The following HSP90AA1 variants were observed in gnomAD, a reference collection of about 807,000 sequenced individuals.
The protein encoded by HSP90AA1 is heat shock protein HSP 90-alpha.
In HSP90AA1, 18 loss-of-function variants were observed where a neutral mutation model predicts 73.3. The ratio of observed to expected loss-of-function variants is 0.25; its 90% CI spans 0.17 to 0.36. The LOEUF (loss-of-function observed/expected upper bound fraction) is 0.36. Ranked by LOEUF, HSP90AA1 falls within the 10% of genes least tolerant of loss-of-function variation. The probability of loss-of-function intolerance (pLI) is 1.00; values close to 1 mark genes in which losing one functional copy is unlikely to be tolerated. For synonymous variants in HSP90AA1, 477 were observed against 296.9 expected (o/e 1.61, Z -6.24); for missense variants, 704 against 874.2 (o/e 0.81, Z 2.45).
At chr14:102,090,944 C>G (rs1197987001), upstream of HSP90AA1, among the ~76,000 whole-genome samples, 1 of 152,222 alleles carries the variant, frequency 6.6e-6, no homozygotes, top group Non-Finnish European at 1.5e-5. Context: ...CAGATCTTAG[C>G]TCAGCCACTG....
rs1172433048 is a variant in HSP90AA1 at position 102,083,233 on chromosome 14, A to C, written c.1556T>G (p.Ile519Ser). Reference protein sequence around the residue: ...ERLRKHGLEVIYMIEPIDEYC... With the variant: ...ERLRKHGLEVSYMIEPIDEYC... ...CTCATCAATGGGCTCAATCATATAGATCACTTCTAAGCCATGTTTCCGAAG... is the reference window on the plus strand; with the variant it reads ...CTCATCAATGGGCTCAATCATATAGCTCACTTCTAAGCCATGTTTCCGAAG... Residue 519 changes from isoleucine (I) to serine (S), a missense_variant, in exon 9 of 11, where the codon ATC becomes AGC. Coordinates refer to ENST00000216281, the MANE Select transcript of HSP90AA1 (RefSeq NM_005348.4). The C allele has an allele frequency of 1.9e-6, 3 of 1,614,024 alleles. No homozygotes were observed. The highest frequency in any genetic ancestry group is 2.5e-6 in the Non-Finnish European group (3 of 1,180,008).
At chr14:102,082,471 A>T (rs1231156136) in intron 9 of HSP90AA1, 27 bp from the exon 10 acceptor site, 2 of 1,555,950 alleles carry the variant, frequency 1.3e-6, no homozygotes, top group Non-Finnish European at 1.8e-6. Context: ...ATGACTAGGA[A>T]CCTAGAAAGA....
At chr14:102,124,418 C>G (rs536938515) in intron 1 of HSP90AA1, among the ~76,000 whole-genome samples, 1 of 152,126 alleles carries the variant, frequency 6.6e-6, no homozygotes, top group Non-Finnish European at 1.5e-5. Context: ...GTCTTGAACT[C>G]CTAACCTCAG....
intron 2 of HSP90AA1, among the ~76,000 whole-genome samples, chr14:102,095,306 T>C (rs1400352848): frequency 6.6e-6 from 1 of 152,026 alleles, no homozygotes. Flanking sequence ...TGTGAGAGGG[T>C]CCAGTCCTGG....
rs55683551 is a variant in HSP90AA1, at chr14:102,098,459, C to CT, written c.366+3415dup. 5.6e-3 allele frequency among the ~76,000 whole-genome samples: 419 copies of CT among 75,440 alleles called. 6 individuals are homozygous for CT. Among genetic ancestry groups the CT allele is most frequent in the Admixed American group, 9.9e-3 (53 of 5,350 alleles). 49.5% of individuals were successfully genotyped at this position (75,440 alleles called of 152,430 possible). The stretch of plus-strand genomic sequence containing the variant: ...ACAGGCTTAAGCCACTGCACCTGGC[C>CT]TTTTTTTTTTTTTTTTTTTTTTTGT... On this transcript the variant is annotated intron_variant, in intron 2 of 11. Transcript: ENST00000334701.
exon 2 of HSP90AA1, chr14:102,101,960 G>A (rs1044304463): frequency 2.5e-6 from 4 of 1,614,164 alleles, no homozygotes; most frequent in Non-Finnish European, 3.4e-6. Context: ...CAGTGACGCG[G>A]TGACAGGGAA....
At chr14:102,106,779 G>T (rs1233906109) in intron 1 of HSP90AA1, among the ~76,000 whole-genome samples, 2 of 150,734 alleles carry the variant, frequency 1.3e-5, no homozygotes, top group African/African-American at 2.5e-5. Flanking sequence ...CCTGACCTCA[G>T]GTGATCTACC....
At chr14:102,121,061 C>T (rs1264414941) in intron 1 of HSP90AA1, among the ~76,000 whole-genome samples, 1 of 151,610 alleles carries the variant, frequency 6.6e-6, no homozygotes, top group African/African-American at 2.4e-5. Context: ...GAGACAGGGT[C>T]TTGCTCTGTG....
intron 1 of HSP90AA1, among the ~76,000 whole-genome samples, chr14:102,104,392 T>A (rs765277107): frequency 6.6e-6 from 1 of 152,004 alleles, no homozygotes; most frequent in African/African-American, 2.4e-5. Flanking sequence ...TTTGTATTTT[T>A]AGTAGAGACA....
At chr14:102,088,578 G>T (rs1211540896), upstream of HSP90AA1, among the ~76,000 whole-genome samples, 1 of 152,222 alleles carries the variant, frequency 6.6e-6, no homozygotes, top group Non-Finnish European at 1.5e-5. Flanking sequence ...GGGCCCCAGC[G>T]GTGGTGACCG....
intron 1 of HSP90AA1, among the ~76,000 whole-genome samples, chr14:102,115,095 C>T (rs1338495734): frequency 6.6e-6 from 1 of 150,904 alleles, no homozygotes. Context: ...TGCAGTGAGC[C>T]GAGATGGCGC....
In HSP90AA1 at chr14:102,081,739, G is replaced by A. The variant is rs1189299947; in HGVS notation, c.2172C>T (p.Asp724=). 6.4e-7 allele frequency: 1 copy of A among 1,571,504 alleles called. No homozygotes were observed. Among genetic ancestry groups the A allele is most frequent in the Non-Finnish European group, 8.8e-7 (1 of 1,141,252 alleles). The part of the protein sequence containing the change: ...EEMPPLEGDD[D]TSRMEEVD ...AGTCTACTTCTTCCATGCGTGATGT[G>A]TCGTCATCTCCTTCAAGGGGTGGCA... The change falls in exon 11 of 11, where the codon GAC becomes GAT. Residue 724 remains aspartate (D), a synonymous_variant. Coordinates refer to ENST00000216281, the MANE Select transcript of HSP90AA1 (RefSeq NM_005348.4).
chr14:102,086,873 G>C, intron 1 of HSP90AA1, 113 bp downstream of exon 1: 2 of 556,594 alleles, frequency 3.6e-6, no homozygotes, highest in East Asian at 1.5e-4. Flanking sequence ...CCGGGAGCGC[G>C]GCCCTGGCTG....
chr14:102,138,723 C>G (rs1378801209), intron 1 of HSP90AA1, among the ~76,000 whole-genome samples: 4 of 152,140 alleles, frequency 2.6e-5, no homozygotes, highest in African/African-American at 9.7e-5. Flanking sequence ...CTTGGTGTTA[C>G]AAATGTTGGC....
intron 1 of HSP90AA1, among the ~76,000 whole-genome samples, chr14:102,136,615 C>A (rs2050001556): frequency 1.3e-5 from 2 of 149,416 alleles, no homozygotes; most frequent in South Asian, 4.2e-4. Context: ...GGGCCGGGCG[C>A]GGTGGCTCAC....
chr14:102,139,362 G>A, exon 1 of HSP90AA1: 1 of 1,607,078 alleles, frequency 6.2e-7, no homozygotes, highest in Non-Finnish European at 8.5e-7. Context: ...CGAAGGGAGG[G>A]CCCAGGAGGG....
intron 8 of HSP90AA1, 104 bp downstream of exon 8, chr14:102,083,442 G>T (rs867592707): frequency 2.1e-6 from 3 of 1,415,860 alleles, no homozygotes; most frequent in Non-Finnish European, 3.0e-6. Flanking sequence ...ATCTTGCCTA[G>T]ATCAATACCA....
chr14:102,087,203 G>C (rs928814745), upstream of HSP90AA1: 11 of 977,698 alleles, frequency 1.1e-5, no homozygotes, highest in African/African-American at 5.3e-5. Flanking sequence ...CCGCCCCCGC[G>C]CCTTCCTGCG....
At chr14:102,092,349 GA>G (rs889242827) in intron 2 of HSP90AA1, among the ~76,000 whole-genome samples, 27 of 152,182 alleles carry the variant, frequency 1.8e-4, no homozygotes, top group African/African-American at 6.3e-4. Flanking sequence ...GGGATTACAG[GA>G]GTGAGCCACC....
Sources: gnomAD v4.1 joint callset for allele counts (sites outside exome capture counted in the v4.1 genomes callset) on GRCh38, gnomAD v4.1.1 for gene constraint, MANE v1.5 for transcripts, NCBI Gene and HGNC (gene_info 2026-07-23, HGNC 2026-07-21) for gene names.